The following EEF1G variants were observed in gnomAD, a reference collection of about 807,000 sequenced individuals.
The protein encoded by EEF1G is elongation factor 1-gamma.
Under a neutral mutation model 58.3 loss-of-function variants are expected in EEF1G, and 14 were observed. The ratio of observed to expected loss-of-function variants is 0.24; its 90% CI spans 0.16 to 0.38. The LOEUF is 0.38. EEF1G is among the 10% of genes least tolerant of loss of function. The pLI, the probability that EEF1G is intolerant of heterozygous loss-of-function variation, is 1.00. For synonymous variants in EEF1G, 180 were observed against 206.8 expected (o/e 0.87, Z 1.11); for missense variants, 322 against 550.1 (o/e 0.59, Z 4.15).
At position 62,566,902 on chromosome 11, in the gene EEF1G, G is replaced by A. The variant is rs757574790; in HGVS notation, c.761C>T (p.Ala254Val). The change falls in exon 7 of 10, where the codon GCG (alanine) becomes GTG (valine). Residue 254 changes from alanine (A) to valine (V), a missense_variant. Transcript: ENST00000329251. ...PQAERKEEKK[A>V]AAPAPEEEMD... Reference sequence around the variant, plus strand: ...CTCCTCCTCAGGAGCAGGGGCAGCCGCCTTTTTCTCCTCCTTCCGCTCAGC... The same window carrying A: ...CTCCTCCTCAGGAGCAGGGGCAGCCACCTTTTTCTCCTCCTTCCGCTCAGC... 47 of 1,613,568 alleles carry A rather than the reference G, an allele frequency of 2.9e-5. 1 individual carries two copies. The highest frequency in any genetic ancestry group is 1.2e-4 in the South Asian group (11 of 91,068).
At chr11:62,569,076 T>TAC (rs759930957) in intron 5 of EEF1G, among the ~76,000 whole-genome samples, 1 of 143,810 alleles carries the variant, frequency 7.0e-6, no homozygotes. Context: ...GGCCATACTA[T>TAC]ACACACACGC....
At chr11:62,561,384 G>A (rs1941492076) in intron 7 of EEF1G, among the ~76,000 whole-genome samples, 6 of 146,802 alleles carry the variant, frequency 4.1e-5, no homozygotes. Context: ...TGTCTGGGGG[G>A]AAAAAAAAGG....
chr11:62,567,827 C>T (rs1315945593), intron 5 of EEF1G, among the ~76,000 whole-genome samples: 4 of 151,882 alleles, frequency 2.6e-5, no homozygotes, highest in Non-Finnish European at 4.4e-5. Flanking sequence ...GCCTCAGCCT[C>T]CCATGCCTTA....
chr11:62,560,722 G>A (rs1941484080), intron 7 of EEF1G, among the ~76,000 whole-genome samples: 1 of 152,108 alleles, frequency 6.6e-6, no homozygotes. Flanking sequence ...GCTAACTGCT[G>A]CCCCCAGGTG....
In EEF1G at chr11:62,571,643, G is replaced by C; in HGVS notation, c.275C>G (p.Ala92Gly). The C allele has an allele frequency of 6.3e-7, 1 of 1,586,494 alleles. No homozygotes were observed. Reference sequence around the variant, plus strand: ...GCTCACCCACTGCACCACCTGGGCTGCTGCCTCTGGAGTACTTCCCCGCAG... The same window carrying C: ...GCTCACCCACTGCACCACCTGGGCTCCTGCCTCTGGAGTACTTCCCCGCAG... ...EELRGSTPEA[A>G]AQVVQWVSFA... The change falls in exon 4 of 10, where the codon GCA becomes GGA. Residue 92 changes from alanine (A) to glycine (G), a missense_variant. By Grantham distance (60) the Ala-to-Gly change is moderately conservative. Around this residue, in one of 3 missense-constraint regions of EEF1G, gnomAD observed 52 missense variants for 139.4 expected, o/e 0.37. Transcript: ENST00000329251.
intron 6 of EEF1G, 32 bp downstream of exon 6, chr11:62,567,367 G>T: frequency 6.3e-7 from 1 of 1,589,456 alleles, no homozygotes; most frequent in South Asian, 1.2e-5. Flanking sequence ...CCCTGATCCT[G>T]GCCATATGCC....
intron 5 of EEF1G, among the ~76,000 whole-genome samples, chr11:62,568,330 G>C (rs1051410705): frequency 7.0e-6 from 1 of 142,732 alleles, no homozygotes; most frequent in Non-Finnish European, 1.5e-5. Context: ...GGAGGTTGCA[G>C]TGAACCGAGA....
intron 1 of EEF1G, chr11:62,572,997 T>A (rs1278774295): frequency 1.6e-5 from 5 of 306,824 alleles, no homozygotes; most frequent in Non-Finnish European, 3.0e-5. Flanking sequence ...CTGGAAGTAT[T>A]CTCTTCCTCT....
At position 62,570,233 on chromosome 11, in the gene EEF1G, C is replaced by T. The variant is rs1278358179; in HGVS notation, c.522+732G>A. 5.9e-5 allele frequency among the ~76,000 whole-genome samples: 9 copies of T among 151,694 alleles called. No individual in the cohort carries two copies. In the East Asian group the frequency reaches 1.2e-3, roughly 20 times the overall value. On this transcript the variant is annotated intron_variant, in intron 5 of 9. Coordinates refer to ENST00000329251, the MANE Select transcript of EEF1G (RefSeq NM_001404.5). ...CCTACCACCACGCCCGGCTAATTTT[C>T]GTATTTTTAATAGAGACAGGGTTTC...
intron 7 of EEF1G, 48 bp downstream of exon 7, chr11:62,566,758 G>C (rs779063288): frequency 6.3e-7 from 1 of 1,578,338 alleles, no homozygotes; most frequent in South Asian, 1.1e-5. Flanking sequence ...ACAGAGGTGA[G>C]AACAGGCCTT....
intron 2 of EEF1G, among the ~76,000 whole-genome samples, chr11:62,572,351 C>T (rs1439572235): frequency 1.3e-5 from 2 of 152,216 alleles, no homozygotes; most frequent in African/African-American, 2.4e-5. Flanking sequence ...TTAGTCAAAA[C>T]TCATTCTCTT....
In EEF1G at chr11:62,564,537, C is replaced by T. The variant is rs187665381; in HGVS notation, c.857+2269G>A. ...CAGCACTTTGGGAGGCGGAGACGGG[C>T]GGATCACGAGGTCAGGAGTTCGAGA... On this transcript the variant is annotated intron_variant, in intron 7 of 9. Transcript: ENST00000329251. Among the ~76,000 whole-genome samples, 304 of 149,312 alleles carry T rather than the reference C, an allele frequency of 2.0e-3. 2 individuals are homozygous for T. Among genetic ancestry groups the T allele is most frequent in the African/African-American group, 7.1e-3 (285 of 40,350 alleles).
chr11:62,571,187 G>C (rs901790439), intron 4 of EEF1G, 79 bp from the exon 5 acceptor site: 1 of 1,589,794 alleles, frequency 6.3e-7, no homozygotes, highest in African/African-American at 1.3e-5. Flanking sequence ...GAACTAAGAG[G>C]GCTATTTTCA....
At position 62,559,830 on chromosome 11, in the gene EEF1G, G is replaced by A. The variant is rs1590705888; in HGVS notation, c.1163C>T (p.Pro388Leu). ...TGACTCGTAGTCCACCTGCCAATCT[G>A]GACTCAGCTGGGGATAAAAAGCCAG... ...RGQELAFPLS[P>L]DWQVDYESYT... Residue 388 changes from proline to leucine, a missense_variant, in exon 10 of 10, where the codon CCA becomes CTA. Physicochemically the swap from Pro to Leu is moderately conservative, Grantham distance 98 (BLOSUM62 -3). This residue lies in a region of EEF1G where 208 missense variants were observed against 323.7 expected (regional missense o/e 0.64). Coordinates refer to ENST00000329251, the MANE Select transcript of EEF1G (RefSeq NM_001404.5). 1 of 1,613,966 alleles carries A rather than the reference G, an allele frequency of 6.2e-7. No individual in the cohort carries two copies. The highest frequency in any genetic ancestry group is 2.2e-5 in the East Asian group (1 of 44,886).
intron 5 of EEF1G, among the ~76,000 whole-genome samples, chr11:62,568,642 C>CA (rs1243602592): frequency 4.0e-5 from 6 of 151,890 alleles, no homozygotes. Flanking sequence ...TGCTCCTTTA[C>CA]AAAACTATTT....
intron 7 of EEF1G, 77 bp downstream of exon 7, chr11:62,566,729 T>A: frequency 7.4e-7 from 1 of 1,356,952 alleles, no homozygotes; most frequent in South Asian, 1.3e-5. Context: ...TGGCTCTAGC[T>A]GTGTGTGAGG....
At position 62,559,700 on chromosome 11, in the gene EEF1G, A is replaced by T; in HGVS notation, c.1293T>A (p.Asn431Lys). ...ATGTTCACTTGAAGATCTTGCCCTG[A>T]TTGAAGGCTTTGCCCACATGCTGGA... Reference protein sequence around the residue: ...GAFQHVGKAFNQGKIFK With the variant: ...GAFQHVGKAFKQGKIFK Residue 431 changes from asparagine (N) to lysine (K), a missense_variant, in exon 10 of 10, where the codon AAT becomes AAA. Transcript: ENST00000329251. 1.2e-6 allele frequency: 2 copies of T among 1,613,974 alleles called. No individual in the cohort carries two copies. The highest frequency in any genetic ancestry group is 1.7e-6 in the Non-Finnish European group (2 of 1,179,874).
At chr11:62,569,609 T>C (rs1941602386) in intron 5 of EEF1G, among the ~76,000 whole-genome samples, 1 of 152,238 alleles carries the variant, frequency 6.6e-6, no homozygotes, top group African/African-American at 2.4e-5. Flanking sequence ...TTTGCAAAGC[T>C]TCAGGTAGAA....
At chr11:62,567,207 A>T in intron 6 of EEF1G, 192 bp downstream of exon 6, 1 of 932,148 alleles carries the variant, frequency 1.1e-6, no homozygotes, top group Non-Finnish European at 1.6e-6. Flanking sequence ...TTATATCGCA[A>T]ATCTATATAG....
Sources: allele counts gnomAD v4.1 joint callset (sites outside exome capture counted in the v4.1 genomes callset), GRCh38; gene constraint gnomAD v4.1.1; regional missense constraint gnomAD v4.1.1; transcripts MANE v1.5; gene names NCBI Gene and HGNC (gene_info 2026-07-23, HGNC 2026-07-21).